The following MCTP1 variants were observed in gnomAD, a reference collection of about 807,000 sequenced individuals.
MCTP1 encodes the protein multiple C2 and transmembrane domain-containing protein 1.
In MCTP1, 69 loss-of-function variants were observed where a neutral mutation model predicts 120.6. The observed-to-expected ratio is 0.57, with a 90% CI of 0.47 to 0.70. MCTP1 has a LOEUF of 0.70. Ranked by LOEUF, MCTP1 falls within the 30% of genes least tolerant of loss-of-function variation. MCTP1 has a pLI of 0.00. For synonymous variants in MCTP1, 529 were observed against 493.1 expected (o/e 1.07, Z -0.96); for missense variants, 1,203 against 1,248.8 (o/e 0.96, Z 0.55).
chr5:94,705,092 A>ATAGT lies in MCTP1; in HGVS notation c.*2400_*2403dup, dbSNP rs1158227692. On this transcript the variant is annotated 3_prime_UTR_variant, in exon 23 of 23. Coordinates refer to ENST00000515393, the MANE Select transcript of MCTP1 (RefSeq NM_024717.7). ...TATTTAGTAGTTCACAATATCTATA[A>ATAGT]TAGTTAGCAGTCCAAGTAGATGTTT... 2.6e-5 allele frequency: 4 copies of ATAGT among 151,530 alleles called. No individual in the cohort carries two copies. Among genetic ancestry groups the ATAGT allele is most frequent in the South Asian group, 2.1e-4 (1 of 4,834 alleles). 9.4% of individuals were successfully genotyped at this position (151,530 alleles called of 1,614,324 possible). A position where few individuals can be genotyped will look rare whatever the true frequency, so the allele number is the denominator to read the frequency against.
intron 19 of MCTP1, among the ~76,000 whole-genome samples, chr5:94,767,644 G>A (rs565504615): frequency 6.6e-6 from 1 of 152,054 alleles, no homozygotes; most frequent in South Asian, 2.1e-4. Context: ...TAGAAATCAA[G>A]ACAGCAGTTC....
chr5:94,710,589 C>T, intron 21 of MCTP1: 1 of 414,616 alleles, frequency 2.4e-6, no homozygotes, highest in Non-Finnish European at 4.3e-6. Context: ...GCACAACTAA[C>T]ATGTTTATAG....
intron 17 of MCTP1, among the ~76,000 whole-genome samples, chr5:94,847,746 C>T (rs1486077399): frequency 6.7e-6 from 1 of 148,834 alleles, no homozygotes. Flanking sequence ...GGAAATATCC[C>T]CACCAAATCA....
intron 17 of MCTP1, among the ~76,000 whole-genome samples, 156 bp from the exon 18 acceptor site, chr5:94,799,288 T>G (rs1780707446): frequency 6.6e-6 from 1 of 152,190 alleles, no homozygotes; most frequent in South Asian, 2.1e-4. Context: ...TAGACATTTT[T>G]CTAAAAATAT....
intron 17 of MCTP1, among the ~76,000 whole-genome samples, chr5:94,809,894 C>G (rs995340465): frequency 6.6e-5 from 10 of 152,022 alleles, no homozygotes; most frequent in Admixed American, 5.9e-4. Flanking sequence ...TGGAAAGACC[C>G]ACGACTATCT....
At chr5:94,954,412 G>A (rs954451326) in intron 2 of MCTP1, among the ~76,000 whole-genome samples, 1 of 151,746 alleles carries the variant, frequency 6.6e-6, no homozygotes, top group African/African-American at 2.4e-5. Context: ...AAAGGTAGGA[G>A]GATGGGAGAG....
At chr5:95,192,851 A>AT (rs1346291494) in intron 1 of MCTP1, among the ~76,000 whole-genome samples, 6 of 151,960 alleles carry the variant, frequency 3.9e-5, no homozygotes, top group Non-Finnish European at 7.4e-5. Context: ...TTTCCTTCCT[A>AT]TTTTTCCATA....
rs548286776 is a variant in MCTP1 at position 95,142,963 on chromosome 5, C to T, written c.721-125479G>A. On this transcript the variant is annotated intron_variant, in intron 1 of 22. Transcript: ENST00000515393. ...GCAAGACAATTATAAACTATAAACA[C>T]CACTGTGCAAATAAAATATACTGTT... Among the ~76,000 whole-genome samples the T allele has an allele frequency of 1.7e-3, 256 of 152,134 alleles. 2 individuals carry two copies. Among genetic ancestry groups the T allele is most frequent in the African/African-American group, 5.8e-3 (241 of 41,506 alleles).
intron 17 of MCTP1, among the ~76,000 whole-genome samples, chr5:94,801,131 T>C (rs1201618230): frequency 6.6e-6 from 1 of 152,184 alleles, no homozygotes; most frequent in Non-Finnish European, 1.5e-5. Flanking sequence ...ATTCTTTATA[T>C]ATTTATTTGT....
chr5:95,184,460 A>G (rs1445050656), intron 1 of MCTP1, among the ~76,000 whole-genome samples: 3 of 152,208 alleles, frequency 2.0e-5, no homozygotes, highest in African/African-American at 7.2e-5. Flanking sequence ...GAAAGAAATC[A>G]GACCTAACCG....
chr5:95,115,704 A>G (rs1213053872), intron 1 of MCTP1, among the ~76,000 whole-genome samples: 3 of 152,160 alleles, frequency 2.0e-5, no homozygotes, highest in Non-Finnish European at 4.4e-5. Context: ...AAAGAGATAG[A>G]GGTAGAAAGT....
At position 95,014,016 on chromosome 5, in the gene MCTP1, C is replaced by T. The variant is rs552654527; in HGVS notation, c.838+3351G>A. On this transcript the variant is annotated intron_variant, in intron 2 of 22. Coordinates refer to ENST00000515393, the MANE Select transcript of MCTP1 (RefSeq NM_024717.7). The stretch of plus-strand genomic sequence containing the variant: ...TGTCTCATGCTTGTATCCTCAGCAA[C>T]TTGGGAGTCCAAAGGGGGAAGATCA... Among the ~76,000 whole-genome samples the T allele has an allele frequency of 5.9e-5, 9 of 151,926 alleles. No individual in the cohort carries two copies. In the East Asian group the frequency reaches 1.4e-3, roughly 23 times the overall value.
At chr5:95,141,046 A>G (rs960071217) in intron 1 of MCTP1, among the ~76,000 whole-genome samples, 1 of 152,152 alleles carries the variant, frequency 6.6e-6, no homozygotes, top group Non-Finnish European at 1.5e-5. Flanking sequence ...GAATATCATC[A>G]GCTCACCTTC....
chr5:94,971,383 G>A (rs1405707785), intron 2 of MCTP1, among the ~76,000 whole-genome samples: 1 of 152,024 alleles, frequency 6.6e-6, no homozygotes, highest in African/African-American at 2.4e-5. Context: ...AAATGGGGCA[G>A]AGCATCATTT....
intron 2 of MCTP1, among the ~76,000 whole-genome samples, chr5:94,991,767 C>G (rs773742646): frequency 3.3e-5 from 5 of 151,722 alleles, no homozygotes; most frequent in Non-Finnish European, 5.9e-5. Context: ...ATCCCAGCTA[C>G]TAGGGAAGCT....
At chr5:94,719,011 G>C (rs1760219315) in intron 19 of MCTP1, among the ~76,000 whole-genome samples, 1 of 152,066 alleles carries the variant, frequency 6.6e-6, no homozygotes, top group African/African-American at 2.4e-5. Context: ...GTGAGCCACT[G>C]TGCACAGCCC....
intron 19 of MCTP1, among the ~76,000 whole-genome samples, chr5:94,752,860 A>G (rs1768822604): frequency 6.6e-6 from 1 of 152,206 alleles, no homozygotes; most frequent in African/African-American, 2.4e-5. Flanking sequence ...GTAAACAGGG[A>G]CTGTACTCTG....
intron 10 of MCTP1, 85 bp downstream of exon 10, chr5:94,909,166 T>C (rs1807767120): frequency 1.4e-6 from 2 of 1,437,324 alleles, no homozygotes; most frequent in Non-Finnish European, 1.9e-6. Flanking sequence ...ACAGTAAAGA[T>C]CATTTACAAT....
At position 94,704,842 on chromosome 5, in the gene MCTP1, CACTAGGAT is replaced by C. The variant is rs1754168253; in HGVS notation, c.*2646_*2653del. 1 of 144,406 alleles carries C rather than the reference CACTAGGAT, an allele frequency of 6.9e-6. No individual in the cohort carries two copies. The highest frequency in any genetic ancestry group is 1.5e-5 in the Non-Finnish European group (1 of 65,524). 8.9% of individuals were successfully genotyped at this position (144,406 alleles called of 1,614,324 possible). On this transcript the variant is annotated 3_prime_UTR_variant, in exon 23 of 23. Transcript: ENST00000515393. ...TTCCAGTTTTTGAACATTCTATATGCACTAGGATAATCTGAGTTGGGAGATTCAATCAA... is the reference window on the plus strand; with the variant it reads ...TTCCAGTTTTTGAACATTCTATATGCAATCTGAGTTGGGAGATTCAATCAA...
Sources: allele counts gnomAD v4.1 joint callset (sites outside exome capture counted in the v4.1 genomes callset), GRCh38; gene constraint gnomAD v4.1.1; transcripts MANE v1.5; gene names NCBI Gene and HGNC (gene_info 2026-07-23, HGNC 2026-07-21).